Variants in CHST14 observed in about 807,000 individuals in gnomAD.
CHST14 encodes carbohydrate sulfotransferase 14.
CHST14 carries 13 observed loss-of-function variants against 22.7 expected under a neutral mutation model. That is an observed-to-expected ratio of 0.57 (90% confidence interval 0.37 to 0.91). CHST14 has a LOEUF of 0.91. Among genes scored for constraint, CHST14 ranks in the 40% least tolerant of loss-of-function variants. The probability of loss-of-function intolerance (pLI) is 0.01; values close to 1 mark genes in which losing one functional copy is unlikely to be tolerated. For synonymous variants in CHST14, 233 were observed against 231.9 expected, an observed-to-expected ratio of 1.00 and a Z score of -0.04; for missense variants, 466 against 513.1, an observed-to-expected ratio of 0.91 and a Z score of 0.89.
Position 40,471,429 on chromosome 15 carries a change from C to G in CHST14, c.216C>G (p.Pro72=). The change falls in exon 1 of 1, where the codon CCC becomes CCG. Residue 72 remains proline (P), a synonymous_variant. Coordinates refer to ENST00000306243, the MANE Select transcript of CHST14 (RefSeq NM_130468.4). This position sits in a 1 kb window ranked among gnomAD's most constrained non-coding sequence, Gnocchi z 6.4. The part of the protein sequence containing the change: ...RGILAEMKPL[P]LHPPGREGTA... ...TCCTGGCCGAGATGAAGCCCCTGCC[C>G]CTGCACCCGCCCGGCCGCGAGGGCA... is the stretch of plus-strand genomic sequence containing the variant. The G allele has an allele frequency of 6.4e-7, 1 of 1,562,678 alleles. No individual in the cohort carries two copies. The highest frequency in any genetic ancestry group is 8.6e-7 in the Non-Finnish European group (1 of 1,158,634).
chr15:40,471,116 C>T lies in CHST14; in HGVS notation c.-98C>T. The T allele has an allele frequency of 2.1e-6, 1 of 478,546 alleles. No homozygotes were observed. The highest frequency in any genetic ancestry group is 3.4e-6 in the Non-Finnish European group (1 of 295,496). 29.6% of individuals were successfully genotyped at this position (478,546 alleles called of 1,614,324 possible). ...CCCTGCCCTCCCCTCCCCAACTACC[C>T]CCGGTCCCAGACCCTCCTCCCGCCC... On this transcript the variant is annotated 5_prime_UTR_variant, in exon 1 of 1. Transcript: ENST00000306243. This position sits in a 1 kb window ranked among gnomAD's most constrained non-coding sequence, Gnocchi z 6.4.
chr15:40,471,486 G>A lies in CHST14; in HGVS notation c.273G>A (p.Gly91=). Residue 91 remains glycine (G), a synonymous_variant, in exon 1 of 1, where the codon GGG becomes GGA. Transcript: ENST00000306243. This position sits in a 1 kb window ranked among gnomAD's most constrained non-coding sequence, Gnocchi z 6.4. ...GGCGCGGGAAAGCCCCCAAGCCTGG[G>A]GGCCTGTCCCTCAGGGCTGGGGACG... ...TAWRGKAPKP[G]GLSLRAGDAD... The A allele has an allele frequency of 6.3e-7, 1 of 1,599,678 alleles. No homozygotes were observed. Among genetic ancestry groups the A allele is most frequent in the South Asian group, 1.1e-5 (1 of 90,454 alleles).
Position 40,472,341 on chromosome 15 carries a change from G to A in CHST14, c.1128G>A (p.Gln376=), listed in dbSNP as rs76922844. 1.3e-6 allele frequency: 2 copies of A among 1,592,958 alleles called. No homozygotes were observed. Among genetic ancestry groups the A allele is most frequent in the South Asian group, 1.1e-5 (1 of 87,836 alleles). The change falls in exon 1 of 1, where the codon CAG becomes CAA. Residue 376 remains glutamine, a synonymous_variant. Coordinates refer to ENST00000306243, the MANE Select transcript of CHST14 (RefSeq NM_130468.4). ...ATGTCACCAAGGAGGCGTGTCAGCA[G>A]TGACCATGGGTGTGGGGCCAGCAGC... ...LPNVTKEACQ[Q] is the part of the protein sequence containing the mutation.
In CHST14 at chr15:40,471,438, G is replaced by C; in HGVS notation, c.225G>C (p.Pro75=). The change falls in exon 1 of 1, where the codon CCG becomes CCC. Residue 75 remains proline (P), a synonymous_variant. Coordinates refer to ENST00000306243, the MANE Select transcript of CHST14 (RefSeq NM_130468.4). This position sits in a 1 kb window ranked among gnomAD's most constrained non-coding sequence, Gnocchi z 6.4. ...AGATGAAGCCCCTGCCCCTGCACCC[G>C]CCCGGCCGCGAGGGCACAGCCTGGC... is the stretch of plus-strand genomic sequence containing the variant. ...LAEMKPLPLH[P]PGREGTAWRG... 6.4e-7 allele frequency: 1 copy of C among 1,567,978 alleles called. No individual in the cohort carries two copies. The highest frequency in any genetic ancestry group is 2.3e-5 in the East Asian group (1 of 42,620).
rs1482604204 is a variant in CHST14 at position 40,471,430 on chromosome 15, C to T, written c.217C>T (p.Leu73=). 3.8e-6 allele frequency: 6 copies of T among 1,563,284 alleles called. No individual in the cohort carries two copies. Among genetic ancestry groups the T allele is most frequent in the Middle Eastern group, 1.7e-4 (1 of 5,946 alleles). Residue 73 remains leucine (L), a synonymous_variant, in exon 1 of 1, where the codon CTG becomes TTG. Coordinates refer to ENST00000306243, the MANE Select transcript of CHST14 (RefSeq NM_130468.4). This position sits in a 1 kb window ranked among gnomAD's most constrained non-coding sequence, Gnocchi z 6.4. The part of the protein sequence containing the change: ...GILAEMKPLP[L]HPPGREGTAW... ...CCTGGCCGAGATGAAGCCCCTGCCC[C>T]TGCACCCGCCCGGCCGCGAGGGCAC...
chr15:40,472,106 C>T lies in CHST14; in HGVS notation c.893C>T (p.Ser298Phe). The T allele has an allele frequency of 6.2e-7, 1 of 1,614,154 alleles. No homozygotes were observed. Among genetic ancestry groups the T allele is most frequent in the East Asian group, 2.2e-5 (1 of 44,868 alleles). ...GCCGTGCACTATGACTTTGTGGGCT[C>T]CTATGAGAGGCTGGAGGCTGATGCA... is the stretch of plus-strand genomic sequence containing the variant. ...PCAVHYDFVG[S>F]YERLEADANQ... Residue 298 changes from serine to phenylalanine, a missense_variant, in exon 1 of 1, where the codon TCC becomes TTC. By Grantham distance (155) the Ser-to-Phe change is radical (BLOSUM62 -2). Coordinates refer to ENST00000306243, the MANE Select transcript of CHST14 (RefSeq NM_130468.4).
Position 40,472,759 on chromosome 15 carries a change from A to C in CHST14, c.*415A>C. 4.9e-6 allele frequency: 1 copy of C among 204,432 alleles called. No homozygotes were observed. Among genetic ancestry groups the C allele is most frequent in the Non-Finnish European group, 1.1e-5 (1 of 90,560 alleles). 12.7% of individuals were successfully genotyped at this position (204,432 alleles called of 1,614,324 possible). A position where few individuals can be genotyped will look rare whatever the true frequency, so the allele number is the denominator to read the frequency against. On this transcript the variant is annotated 3_prime_UTR_variant, in exon 1 of 1. Coordinates refer to ENST00000306243, the MANE Select transcript of CHST14 (RefSeq NM_130468.4). ...ACCCTGTGGCTCTGATCCCCCATTTATCCACCCCATGTGCCTCAGGACTAG... is the reference window on the plus strand; with the variant it reads ...ACCCTGTGGCTCTGATCCCCCATTTCTCCACCCCATGTGCCTCAGGACTAG...
chr15:40,471,309 G>A lies in CHST14; in HGVS notation c.96G>A (p.Ala32=). The A allele has an allele frequency of 6.5e-7, 1 of 1,534,230 alleles. No homozygotes were observed. The highest frequency in any genetic ancestry group is 8.7e-7 in the Non-Finnish European group (1 of 1,145,946). The change falls in exon 1 of 1, where the codon GCG becomes GCA. Residue 32 remains alanine, a synonymous_variant. Transcript: ENST00000306243. This position sits in a 1 kb window ranked among gnomAD's most constrained non-coding sequence, Gnocchi z 6.4. ...LRRAPLGRAR[A]GLGGPPLLLP... is the part of the protein sequence containing the mutation. ...GGGCCCCTCTGGGCAGGGCCCGGGC[G>A]GGGCTGGGTGGGCCGCCCCTGCTGC...
In CHST14 at chr15:40,471,795, G is replaced by A. The variant is rs1377861803; in HGVS notation, c.582G>A (p.Leu194=). The A allele has an allele frequency of 2.4e-5, 38 of 1,613,668 alleles. No individual in the cohort carries two copies. The highest frequency in any genetic ancestry group is 4.0e-5 in the African/African-American group (3 of 74,940). Residue 194 remains leucine (L), a synonymous_variant, in exon 1 of 1, where the codon CTG becomes CTA. Coordinates refer to ENST00000306243, the MANE Select transcript of CHST14 (RefSeq NM_130468.4). The surrounding 1 kb of genome is among the most constrained non-coding windows in gnomAD (Gnocchi z 6.4). ...HRSDLVFLAD[L]RPEEIRYRLQ... Reference sequence around the variant, plus strand: ...GTGACCTGGTGTTCCTGGCCGACCTGCGGCCTGAGGAGATTCGCTACCGCC... The same window carrying A: ...GTGACCTGGTGTTCCTGGCCGACCTACGGCCTGAGGAGATTCGCTACCGCC...
rs1894338616 is a variant in CHST14, at chr15:40,471,237, G to T, written c.24G>T (p.Pro8=). 7.0e-7 allele frequency: 1 copy of T among 1,422,420 alleles called. No individual in the cohort carries two copies. Among genetic ancestry groups the T allele is most frequent in the Non-Finnish European group, 9.1e-7 (1 of 1,097,370 alleles). The allele number at this position is 1,422,420 out of a possible 1,614,324, so 88.1% of individuals were successfully genotyped here. A position where few individuals can be genotyped will look rare whatever the true frequency, so the allele number is the denominator to read the frequency against. Residue 8 remains proline (P), a synonymous_variant, in exon 1 of 1, where the codon CCG becomes CCT. Transcript: ENST00000306243. This position sits in a 1 kb window ranked among gnomAD's most constrained non-coding sequence, Gnocchi z 6.4. MFPRPLT[P]LAAPNGAEPL... ...CCATGTTCCCCCGCCCGCTGACCCCGCTGGCGGCCCCAAATGGCGCCGAGC... is the reference window on the plus strand; with the variant it reads ...CCATGTTCCCCCGCCCGCTGACCCCTCTGGCGGCCCCAAATGGCGCCGAGC...
rs1307090797 is a variant in CHST14, at chr15:40,471,442, G to A, written c.229G>A (p.Gly77Ser). 1.1e-5 allele frequency: 17 copies of A among 1,572,324 alleles called. No homozygotes were observed. Among genetic ancestry groups the A allele is most frequent in the African/African-American group, 1.3e-5 (1 of 74,268 alleles). The change falls in exon 1 of 1, where the codon GGC becomes AGC. Residue 77 changes from glycine to serine, a missense_variant. Gly to Ser is a moderately conservative substitution (Grantham distance 56, BLOSUM62 0). Transcript: ENST00000306243. This position sits in a 1 kb window ranked among gnomAD's most constrained non-coding sequence, Gnocchi z 6.4. ...EMKPLPLHPPGREGTAWRGKA... is the reference protein window; with the variant it reads ...EMKPLPLHPPSREGTAWRGKA... ...GAAGCCCCTGCCCCTGCACCCGCCC[G>A]GCCGCGAGGGCACAGCCTGGCGCGG...
In CHST14 at chr15:40,471,959, C is replaced by A; in HGVS notation, c.746C>A (p.Ala249Glu). 1 of 1,614,048 alleles carries A rather than the reference C, an allele frequency of 6.2e-7. No homozygotes were observed. Residue 249 changes from alanine to glutamate, a missense_variant, in exon 1 of 1, where the codon GCG (alanine) becomes GAG (glutamate). Coordinates refer to ENST00000306243, the MANE Select transcript of CHST14 (RefSeq NM_130468.4). The surrounding 1 kb of genome is among the most constrained non-coding windows in gnomAD (Gnocchi z 6.4). ...AEIVRRYRAG[A>E]GPSPAGDDVT... The stretch of plus-strand genomic sequence containing the variant: ...ATAGTGAGGCGGTACAGGGCTGGAG[C>A]GGGGCCCAGCCCTGCAGGCGACGAT...
chr15:40,471,964 C>A lies in CHST14; in HGVS notation c.751C>A (p.Pro251Thr). Residue 251 changes from proline to threonine, a missense_variant, in exon 1 of 1, where the codon CCC becomes ACC. Physicochemically the swap from Pro to Thr is conservative, Grantham distance 38. Transcript: ENST00000306243. The surrounding 1 kb of genome is among the most constrained non-coding windows in gnomAD (Gnocchi z 6.4). ...GAGGCGGTACAGGGCTGGAGCGGGG[C>A]CCAGCCCTGCAGGCGACGATGTCAC... Reference protein sequence around the residue: ...IVRRYRAGAGPSPAGDDVTFP... With the variant: ...IVRRYRAGAGTSPAGDDVTFP... 1.9e-6 allele frequency: 3 copies of A among 1,614,078 alleles called. No homozygotes were observed. Among genetic ancestry groups the A allele is most frequent in the African/African-American group, 1.3e-5 (1 of 75,052 alleles).
rs1424032918 is a variant in CHST14 at position 40,472,321 on chromosome 15, AC to A, written c.1110del (p.Lys371ArgfsTer63). ...SLFAYPLPNV[T>X]KEACQQ The stretch of plus-strand genomic sequence containing the variant: ...CTTTGCCTACCCACTGCCTAATGTC[AC>A]CAAGGAGGCGTGTCAGCAGTGACCA... On this transcript the variant is annotated frameshift_variant, in exon 1 of 1. Coordinates refer to ENST00000306243, the MANE Select transcript of CHST14 (RefSeq NM_130468.4). LOFTEE classifies it high-confidence loss of function. 6.3e-7 allele frequency: 1 copy of A among 1,597,260 alleles called. No individual in the cohort carries two copies. Among genetic ancestry groups the A allele is most frequent in the African/African-American group, 1.3e-5 (1 of 74,590 alleles).
Position 40,472,454 on chromosome 15 carries a change from A to C in CHST14, c.*110A>C, listed in dbSNP as rs1026692662. 8.5e-6 allele frequency: 11 copies of C among 1,293,634 alleles called. No individual in the cohort carries two copies. The highest frequency in any genetic ancestry group is 1.2e-5 in the Non-Finnish European group (11 of 932,096). 80.1% of individuals were successfully genotyped at this position (1,293,634 alleles called of 1,614,324 possible). A position where few individuals can be genotyped will look rare whatever the true frequency, so the allele number is the denominator to read the frequency against. ...GCTCTGGGGCTTGGGGCTTCTCAGGATCCTGGATGGCAGAGACTGCCCTCA... is the reference window on the plus strand; with the variant it reads ...GCTCTGGGGCTTGGGGCTTCTCAGGCTCCTGGATGGCAGAGACTGCCCTCA... On this transcript the variant is annotated 3_prime_UTR_variant, in exon 1 of 1. Transcript: ENST00000306243.
rs756985970 is a variant in CHST14 at position 40,472,331 on chromosome 15, C to T, written c.1118C>T (p.Ala373Val). ...CCACTGCCTAATGTCACCAAGGAGG[C>T]GTGTCAGCAGTGACCATGGGTGTGG... is the stretch of plus-strand genomic sequence containing the variant. Reference protein sequence around the residue: ...AYPLPNVTKEACQQ With the variant: ...AYPLPNVTKEVCQQ Residue 373 changes from alanine (A) to valine (V), a missense_variant, in exon 1 of 1, where the codon GCG becomes GTG. Physicochemically the swap from Ala to Val is moderately conservative, Grantham distance 64. Coordinates refer to ENST00000306243, the MANE Select transcript of CHST14 (RefSeq NM_130468.4). 1.4e-5 allele frequency: 23 copies of T among 1,596,130 alleles called. No homozygotes were observed. In the East Asian group the frequency reaches 2.0e-4, roughly 14 times the overall value.
Position 40,471,401 on chromosome 15 carries a change from G to A in CHST14, c.188G>A (p.Gly63Asp), listed in dbSNP as rs770562379. The A allele has an allele frequency of 6.4e-7, 1 of 1,557,202 alleles. No individual in the cohort carries two copies. Among genetic ancestry groups the A allele is most frequent in the East Asian group, 2.4e-5 (1 of 41,956 alleles). ...GGGCTGCTGCTCATGATCGAGCGGG[G>A]CATCCTGGCCGAGATGAAGCCCCTG... ...SSGLLLMIER[G>D]ILAEMKPLPL... Residue 63 changes from glycine to aspartate, a missense_variant, in exon 1 of 1, where the codon GGC becomes GAC. Transcript: ENST00000306243. The surrounding 1 kb of genome is among the most constrained non-coding windows in gnomAD (Gnocchi z 6.4).
chr15:40,472,240 G>GC lies in CHST14; in HGVS notation c.1033dup (p.Arg345ProfsTer10), dbSNP rs774738190. 2.5e-6 allele frequency: 4 copies of GC among 1,612,998 alleles called. No homozygotes were observed. The highest frequency in any genetic ancestry group is 1.7e-6 in the Non-Finnish European group (2 of 1,179,182). On this transcript the variant is annotated frameshift_variant, in exon 1 of 1. Coordinates refer to ENST00000306243, the MANE Select transcript of CHST14 (RefSeq NM_130468.4). LOFTEE classifies it high-confidence loss of function. Reference sequence around the variant, plus strand: ...AAGCCTGCATTACCACTTGTGCAGTGCCCCCCGGGCCCTGCTGCAGGATGT... The same window carrying GC: ...AAGCCTGCATTACCACTTGTGCAGTGCCCCCCCGGGCCCTGCTGCAGGATGT...
chr15:40,471,171 T>A lies in CHST14; in HGVS notation c.-43T>A, dbSNP rs1424094466. 14 of 808,996 alleles carry A rather than the reference T, an allele frequency of 1.7e-5. No individual in the cohort carries two copies. In the East Asian group the frequency reaches 2.0e-3, roughly 116 times the overall value. 50.1% of individuals were successfully genotyped at this position (808,996 alleles called of 1,614,324 possible). A position where few individuals can be genotyped will look rare whatever the true frequency, so the allele number is the denominator to read the frequency against. On this transcript the variant is annotated 5_prime_UTR_variant, in exon 1 of 1. Coordinates refer to ENST00000306243, the MANE Select transcript of CHST14 (RefSeq NM_130468.4). The surrounding 1 kb of genome is among the most constrained non-coding windows in gnomAD (Gnocchi z 6.4). ...CCCGAGCCCGCCTTCCAGGCCGCCCTCGGATCGGCCGGGCCCGCGCAGGCC... is the reference window on the plus strand; with the variant it reads ...CCCGAGCCCGCCTTCCAGGCCGCCCACGGATCGGCCGGGCCCGCGCAGGCC...
Sources: allele counts gnomAD v4.1 joint callset, GRCh38; gene constraint gnomAD v4.1.1; non-coding constraint Gnocchi (gnomAD v3.1); transcripts MANE v1.5; gene names NCBI Gene and HGNC (gene_info 2026-07-23, HGNC 2026-07-21).